Variants in ELL observed in about 807,000 individuals in gnomAD.
ELL encodes elongation factor for RNA polymerase II, also known as RNA polymerase II elongation factor ELL.
Under a neutral mutation model 64.0 loss-of-function variants are expected in ELL, and 18 were observed. The ratio of observed to expected loss-of-function variants is 0.28; its 90% CI spans 0.19 to 0.42. ELL has a LOEUF of 0.42. ELL is among the 10% of genes least tolerant of loss of function. ELL has a pLI of 1.00. For missense variants in ELL, 797 were observed against 870.4 expected (o/e 0.92, Z 1.06); for synonymous variants, 399 against 376.2 (o/e 1.06, Z -0.70).
At chr19:18,516,385 C>T (rs565447993) in intron 1 of ELL, among the ~76,000 whole-genome samples, 2 of 152,316 alleles carry the variant, frequency 1.3e-5, no homozygotes, top group East Asian at 3.9e-4. Flanking sequence ...GTGTCACCTG[C>T]TGGAAGCACT....
intron 4 of ELL, among the ~76,000 whole-genome samples, chr19:18,462,693 C>A (rs1002037936): frequency 2.0e-5 from 3 of 152,168 alleles, no homozygotes; most frequent in Non-Finnish European, 4.4e-5. Context: ...GAGGCAGGGG[C>A]TGTTTGTAAA....
At chr19:18,515,804 T>C (rs1003889075) in intron 1 of ELL, among the ~76,000 whole-genome samples, 1 of 152,054 alleles carries the variant, frequency 6.6e-6, no homozygotes, top group African/African-American at 2.4e-5. Context: ...AAAAGATAGT[T>C]TGGCTTGAGC....
intron 11 of ELL, 71 bp from the exon 12 acceptor site, chr19:18,444,939 T>C: frequency 2.0e-6 from 3 of 1,505,912 alleles, no homozygotes. Context: ...AGCAGGCCAG[T>C]GTCCCCCCCA....
chr19:18,503,408 C>T (rs1251178571), intron 1 of ELL, among the ~76,000 whole-genome samples: 1 of 152,210 alleles, frequency 6.6e-6, no homozygotes, highest in Non-Finnish European at 1.5e-5. Context: ...AAGTGGGGGG[C>T]ACGTCTGGCC....
intron 1 of ELL, among the ~76,000 whole-genome samples, chr19:18,477,832 T>C (rs919723539): frequency 1.3e-5 from 2 of 152,206 alleles, no homozygotes; most frequent in Non-Finnish European, 2.9e-5. Context: ...ACAGTGAGCA[T>C]GCATGAATAG....
At chr19:18,516,738 G>A (rs1976140849) in intron 1 of ELL, among the ~76,000 whole-genome samples, 1 of 152,140 alleles carries the variant, frequency 6.6e-6, no homozygotes, top group Non-Finnish European at 1.5e-5. Flanking sequence ...CTCCTCCCAA[G>A]AGGAAGAGAA....
At chr19:18,475,281 A>T (rs902398635) in intron 1 of ELL, among the ~76,000 whole-genome samples, 6 of 152,302 alleles carry the variant, frequency 3.9e-5, no homozygotes, top group South Asian at 2.1e-4. Flanking sequence ...AAAATATTTT[A>T]AAAAATAAAA....
chr19:18,521,540 G>A (rs1347012684), intron 1 of ELL, among the ~76,000 whole-genome samples: 3 of 152,278 alleles, frequency 2.0e-5, no homozygotes, highest in Middle Eastern at 3.4e-3. Context: ...CCCTATCACG[G>A]TGCCGGGACC....
At chr19:18,500,635 G>A (rs1435552486) in intron 1 of ELL, among the ~76,000 whole-genome samples, 1 of 152,178 alleles carries the variant, frequency 6.6e-6, no homozygotes, top group African/African-American at 2.4e-5. Flanking sequence ...GGGAAGGTCG[G>A]CATAACACTG....
At chr19:18,460,559 G>A (rs1600442790) in intron 5 of ELL, among the ~76,000 whole-genome samples, 1 of 152,222 alleles carries the variant, frequency 6.6e-6, no homozygotes, top group African/African-American at 2.4e-5. Flanking sequence ...TTGGGAGCAG[G>A]ATGGGGGTGG....
intron 1 of ELL, among the ~76,000 whole-genome samples, chr19:18,482,610 G>A (rs1252623033): frequency 6.6e-6 from 1 of 152,050 alleles, no homozygotes; most frequent in African/African-American, 2.4e-5. Flanking sequence ...GATTACAGGC[G>A]TGAGCCACTG....
At chr19:18,509,593 G>GCGCGCGCA (rs1438642062) in intron 1 of ELL, among the ~76,000 whole-genome samples, 2 of 83,278 alleles carry the variant, frequency 2.4e-5, no homozygotes, top group East Asian at 3.9e-4. Flanking sequence ...GCGCGCGCGC[G>GCGCGCGCA]CACATACACA....
chr19:18,446,295 C>CGG lies in ELL; in HGVS notation c.1704+12_1704+13dup. The stretch of plus-strand genomic sequence containing the variant: ...GCCAGAGCCAGGGCACAGTAGGCAG[C>CGG]GGGGGGGCTCTACCTCATACTCCTC... On this transcript the variant is annotated intron_variant, in intron 10 of 11. Coordinates refer to ENST00000262809, the MANE Select transcript of ELL (RefSeq NM_006532.4). The CGG allele has an allele frequency of 6.4e-7, 1 of 1,555,172 alleles. No individual in the cohort carries two copies. Among genetic ancestry groups the CGG allele is most frequent in the Non-Finnish European group, 8.7e-7 (1 of 1,153,618 alleles).
At chr19:18,460,997 C>T (rs954744617) in intron 5 of ELL, among the ~76,000 whole-genome samples, 2 of 152,154 alleles carry the variant, frequency 1.3e-5, no homozygotes, top group African/African-American at 4.8e-5. Flanking sequence ...CAGTCAGGGC[C>T]ATCGCACCTG....
rs1974425320 is a variant in ELL, at chr19:18,446,739, A to C, written c.1532+9T>G. The C allele has an allele frequency of 1.2e-6, 2 of 1,613,896 alleles. No homozygotes were observed. Among genetic ancestry groups the C allele is most frequent in the Non-Finnish European group, 1.7e-6 (2 of 1,179,958 alleles). ...AGGCCTGGCCTGCAGGGCCCAGACA[A>C]ACACTCACAGCAAGTAGTCAGGCGT... On this transcript the variant is annotated intron_variant, in intron 9 of 11. Transcript: ENST00000262809.
At chr19:18,462,365 T>TGTGTGTGTG (rs1295088969) in intron 4 of ELL, among the ~76,000 whole-genome samples, 839 of 38,752 alleles carry the variant, frequency 0.022, 108 homozygotes, top group African/African-American at 0.061. Flanking sequence ...GTGTGTGTGT[T>TGTGTGTGTG]TGGGCGGGGG....
chr19:18,450,301 C>G (rs1029337441), intron 8 of ELL, among the ~76,000 whole-genome samples, 176 bp downstream of exon 8: 6 of 152,122 alleles, frequency 3.9e-5, no homozygotes, highest in Non-Finnish European at 8.8e-5. Flanking sequence ...GGACCAGGTG[C>G]AGGAACATAG....
At chr19:18,473,797 C>T (rs1975115700) in intron 1 of ELL, among the ~76,000 whole-genome samples, 1 of 152,138 alleles carries the variant, frequency 6.6e-6, no homozygotes, top group African/African-American at 2.4e-5. Flanking sequence ...TTCTTGGTCC[C>T]CAAACCCACC....
intron 1 of ELL, among the ~76,000 whole-genome samples, chr19:18,516,711 A>C (rs1976140123): frequency 6.6e-6 from 1 of 152,176 alleles, no homozygotes; most frequent in African/African-American, 2.4e-5. Context: ...TCAGAGCACA[A>C]GAGGGGTCAG....
Sources: allele counts gnomAD v4.1 joint callset (sites outside exome capture counted in the v4.1 genomes callset), GRCh38; gene constraint gnomAD v4.1.1; transcripts MANE v1.5; gene names NCBI Gene and HGNC (gene_info 2026-07-23, HGNC 2026-07-21).